SNTG1: variants seen among roughly 807,000 people sequenced by gnomAD.
SNTG1 encodes the protein syntrophin gamma 1.
Under a neutral mutation model 74.7 loss-of-function variants are expected in SNTG1, and 39 were observed. The ratio of observed to expected loss-of-function variants is 0.52; its 90% CI spans 0.40 to 0.68. The LOEUF is 0.68. Among genes scored for constraint, SNTG1 ranks in the 30% least tolerant of loss-of-function variants. SNTG1 has a pLI of 0.00. For missense variants in SNTG1, 685 were observed against 609.5 expected, an observed-to-expected ratio of 1.12 and a Z score of -1.30; for synonymous variants, 254 against 217.1, an observed-to-expected ratio of 1.17 and a Z score of -1.49.
At chr8:49,913,556 G>A (rs1805761028) in intron 1 of SNTG1, among the ~76,000 whole-genome samples, 1 of 152,140 alleles carries the variant, frequency 6.6e-6, no homozygotes, top group African/African-American at 2.4e-5. Context: ...CAGAAAAGGA[G>A]CAGAGGCATC....
At chr8:50,555,694 T>C (rs2094452004) in intron 12 of SNTG1, among the ~76,000 whole-genome samples, 1 of 152,064 alleles carries the variant, frequency 6.6e-6, no homozygotes, top group Non-Finnish European at 1.5e-5. Context: ...AAAAACATTG[T>C]GATAAATATT....
intron 3 of SNTG1, among the ~76,000 whole-genome samples, chr8:50,396,773 T>C (rs2092733474): frequency 6.6e-6 from 1 of 152,210 alleles, no homozygotes; most frequent in African/African-American, 2.4e-5. Context: ...GACTAGAATA[T>C]AAATTAAAAA....
intron 1 of SNTG1, among the ~76,000 whole-genome samples, chr8:50,011,402 CT>C (rs1815783629): frequency 6.6e-6 from 1 of 152,138 alleles, no homozygotes; most frequent in Non-Finnish European, 1.5e-5. Flanking sequence ...GCCATGAACT[CT>C]TCCATATTTT....
At chr8:50,372,495 C>T (rs1336403336) in intron 2 of SNTG1, among the ~76,000 whole-genome samples, 1 of 152,010 alleles carries the variant, frequency 6.6e-6, no homozygotes, top group African/African-American at 2.4e-5. Context: ...CTTCCTGATA[C>T]TTTGCATCTT....
chr8:50,206,069 A>G (rs1418831699), intron 2 of SNTG1, among the ~76,000 whole-genome samples: 2 of 152,136 alleles, frequency 1.3e-5, no homozygotes, highest in Non-Finnish European at 2.9e-5. Flanking sequence ...TTGGTTCCAT[A>G]TGAACTTTAA....
At position 50,796,343 on chromosome 8, in the gene SNTG1, T is replaced by C. The variant is rs942218035; in HGVS notation, c.*3514T>C. The C allele has an allele frequency of 1.3e-5, 2 of 152,012 alleles. No individual in the cohort carries two copies. The highest frequency in any genetic ancestry group is 4.8e-5 in the African/African-American group (2 of 41,440). 9.4% of individuals were successfully genotyped at this position (152,012 alleles called of 1,614,324 possible). ...GTGCTCATAATTTCTCCTTATGAAA[T>C]TGCTTTATTCATACTTCTAAAATTG... On this transcript the variant is annotated 3_prime_UTR_variant, in exon 19 of 19. Transcript: ENST00000642720.
chr8:50,737,367 C>G (rs892450754), intron 17 of SNTG1, among the ~76,000 whole-genome samples: 1 of 151,860 alleles, frequency 6.6e-6, no homozygotes, highest in Admixed American at 6.6e-5. Flanking sequence ...AGGAAGAAGT[C>G]AAATCCCTGA....
chr8:50,108,871 G>A (rs1419676916), intron 1 of SNTG1, among the ~76,000 whole-genome samples: 1 of 152,128 alleles, frequency 6.6e-6, no homozygotes, highest in African/African-American at 2.4e-5. Flanking sequence ...AGGAAACTTT[G>A]AAGAGGCCAG....
In SNTG1 at chr8:50,656,943, A is replaced by G; in HGVS notation, c.884A>G (p.Gln295Arg). The change falls in exon 14 of 19, where the codon CAA becomes CGA. Residue 295 changes from glutamine (Q) to arginine (R), a missense_variant. Physicochemically the swap from Gln to Arg is conservative, Grantham distance 43. Transcript: ENST00000642720. ...ATGGGCTGGTGTGAAGCCCGGGAGC[A>G]AGACCCCCTCCAGGACAGAGTGTAC... is the stretch of plus-strand genomic sequence containing the variant. The part of the protein sequence containing the change: ...VYMGWCEARE[Q>R]DPLQDRVYSP... 3.7e-6 allele frequency: 6 copies of G among 1,604,166 alleles called. No individual in the cohort carries two copies. The highest frequency in any genetic ancestry group is 5.1e-6 in the Non-Finnish European group (6 of 1,174,796).
At chr8:50,584,582 G>A (rs577554124) in intron 12 of SNTG1, among the ~76,000 whole-genome samples, 9 of 144,478 alleles carry the variant, frequency 6.2e-5, no homozygotes, top group Admixed American at 1.5e-4. Context: ...GTGCGTTCTC[G>A]ATGACACTGA....
chr8:50,378,530 C>G (rs2092427519), intron 2 of SNTG1, among the ~76,000 whole-genome samples: 1 of 152,070 alleles, frequency 6.6e-6, no homozygotes, highest in Non-Finnish European at 1.5e-5. Flanking sequence ...GGTGTGCAGA[C>G]AAGTGGAGGG....
intron 2 of SNTG1, among the ~76,000 whole-genome samples, chr8:50,249,721 A>G (rs1360035216): frequency 1.3e-5 from 2 of 152,212 alleles, no homozygotes; most frequent in Non-Finnish European, 2.9e-5. Flanking sequence ...CAAGGGTTGT[A>G]ACTGAAGCAT....
chr8:50,330,467 G>C (rs769383691), intron 2 of SNTG1, among the ~76,000 whole-genome samples: 1 of 152,130 alleles, frequency 6.6e-6, no homozygotes. Flanking sequence ...TCTCTAGAAA[G>C]TTTCAAACTT....
At chr8:50,398,371 C>G (rs1419989562) in intron 3 of SNTG1, among the ~76,000 whole-genome samples, 1 of 152,238 alleles carries the variant, frequency 6.6e-6, no homozygotes, top group Non-Finnish European at 1.5e-5. Flanking sequence ...CACACAGGCT[C>G]AGCGGCGAGC....
intron 11 of SNTG1, among the ~76,000 whole-genome samples, chr8:50,543,034 A>G (rs1251899319): frequency 6.6e-6 from 1 of 151,906 alleles, no homozygotes; most frequent in Admixed American, 6.6e-5. Context: ...CATTCTGTAG[A>G]TTGTCTCTCA....
At chr8:50,772,713 A>C (rs2095630219) in intron 18 of SNTG1, among the ~76,000 whole-genome samples, 1 of 152,116 alleles carries the variant, frequency 6.6e-6, no homozygotes, top group African/African-American at 2.4e-5. Context: ...TTTGATTCCC[A>C]ATATGGCAGT....
intron 2 of SNTG1, among the ~76,000 whole-genome samples, chr8:50,260,929 G>A (rs540519163): frequency 1.1e-4 from 17 of 152,134 alleles, no homozygotes; most frequent in African/African-American, 4.1e-4. Context: ...TATAACACAT[G>A]CATAATGGGA....
At chr8:50,285,172 C>T (rs182216248) in intron 2 of SNTG1, among the ~76,000 whole-genome samples, 5 of 152,228 alleles carry the variant, frequency 3.3e-5, no homozygotes, top group Admixed American at 3.3e-4. Context: ...CAGTTTCAGG[C>T]CAGCCGCCCT....
chr8:49,934,232 G>A (rs1807842123), intron 1 of SNTG1, among the ~76,000 whole-genome samples: 1 of 151,898 alleles, frequency 6.6e-6, no homozygotes, highest in Non-Finnish European at 1.5e-5. Context: ...CTTGCAGCAA[G>A]CATCTTTCCT....
Sources: allele counts gnomAD v4.1 joint callset (sites outside exome capture counted in the v4.1 genomes callset), GRCh38; gene constraint gnomAD v4.1.1; transcripts MANE v1.5; gene names NCBI Gene and HGNC (gene_info 2026-07-23, HGNC 2026-07-21).